Variants in CHST8 observed in about 807,000 individuals in gnomAD.
The protein encoded by CHST8 is carbohydrate sulfotransferase 8.
CHST8 carries 10 observed loss-of-function variants against 15.0 expected under a neutral mutation model. That is an observed-to-expected ratio of 0.67 (90% CI 0.41 to 1.13). CHST8 has a LOEUF of 1.13. Ranked by LOEUF, CHST8 falls within the 50% of genes most tolerant of loss-of-function variation. CHST8 has a pLI of 0.00. For synonymous variants in CHST8, 259 were observed against 256.6 expected, an observed-to-expected ratio of 1.01 and a Z score of -0.09; for missense variants, 634 against 608.2, an observed-to-expected ratio of 1.04 and a Z score of -0.45.
At chr19:33,769,812 G>A (rs569112690) in intron 3 of CHST8, among the ~76,000 whole-genome samples, 6 of 152,212 alleles carry the variant, frequency 3.9e-5, no homozygotes, top group South Asian at 2.1e-4. Context: ...CCACATGCAC[G>A]CATGTGCACA....
At position 33,689,228 on chromosome 19, in the gene CHST8, C is replaced by G; in HGVS notation, c.-34C>G. 1.3e-6 allele frequency: 2 copies of G among 1,514,906 alleles called. No homozygotes were observed. The highest frequency in any genetic ancestry group is 1.3e-5 in the South Asian group (1 of 75,220). 93.8% of individuals were successfully genotyped at this position (1,514,906 alleles called of 1,614,324 possible). A position where few individuals can be genotyped will look rare whatever the true frequency, so the allele number is the denominator to read the frequency against. On this transcript the variant is annotated 5_prime_UTR_variant, in exon 3 of 5. Coordinates refer to ENST00000650847, the MANE Select transcript of CHST8 (RefSeq NM_001127895.2). The stretch of plus-strand genomic sequence containing the variant: ...GACGATGAGGGAAGAACGTGCCCCC[C>G]ACACCCAAGAGGTGACCCCTGAGCC...
intron 3 of CHST8, among the ~76,000 whole-genome samples, chr19:33,697,248 G>C (rs1273574850): frequency 1.3e-5 from 2 of 151,658 alleles, no homozygotes; most frequent in African/African-American, 4.8e-5. Context: ...TTTATTTTTT[G>C]AGATAGAGTC....
chr19:33,766,569 G>A (rs1324870049), intron 3 of CHST8, among the ~76,000 whole-genome samples: 1 of 152,238 alleles, frequency 6.6e-6, no homozygotes, highest in African/African-American at 2.4e-5. Context: ...CATGGAAGCA[G>A]CAGGGCAGAG....
chr19:33,759,270 G>T (rs1974668517), intron 3 of CHST8, among the ~76,000 whole-genome samples: 1 of 152,208 alleles, frequency 6.6e-6, no homozygotes, highest in South Asian at 2.1e-4. Flanking sequence ...GCTTCTATTT[G>T]CTGGTAACCC....
intron 2 of CHST8, among the ~76,000 whole-genome samples, chr19:33,678,226 C>G (rs1191260063): frequency 1.3e-5 from 2 of 152,168 alleles, no homozygotes; most frequent in East Asian, 3.9e-4. Flanking sequence ...GAGGCAGAGA[C>G]TAATGGAGAA....
intron 3 of CHST8, among the ~76,000 whole-genome samples, chr19:33,707,956 G>A (rs1260717438): frequency 1.3e-5 from 2 of 152,124 alleles, no homozygotes; most frequent in Non-Finnish European, 2.9e-5. Flanking sequence ...TATTCTAGTG[G>A]GTGTGAAGTG....
chr19:33,643,758 A>G (rs1301404953), intron 1 of CHST8, among the ~76,000 whole-genome samples: 1 of 152,062 alleles, frequency 6.6e-6, no homozygotes, highest in Non-Finnish European at 1.5e-5. Flanking sequence ...CCCCTCTATT[A>G]TGATTCTTGT....
At chr19:33,751,973 T>G (rs992767012) in intron 3 of CHST8, among the ~76,000 whole-genome samples, 1 of 152,178 alleles carries the variant, frequency 6.6e-6, no homozygotes, top group Non-Finnish European at 1.5e-5. Flanking sequence ...TGTTTCCCCC[T>G]TCTGGGCAGC....
intron 3 of CHST8, among the ~76,000 whole-genome samples, chr19:33,735,970 G>A (rs527242686): frequency 6.6e-6 from 1 of 152,360 alleles, no homozygotes; most frequent in African/African-American, 2.4e-5. Flanking sequence ...ACCTGGCAAT[G>A]TCCTTACAAA....
At chr19:33,640,731 C>G (rs750408623) in intron 1 of CHST8, among the ~76,000 whole-genome samples, 5 of 152,200 alleles carry the variant, frequency 3.3e-5, no homozygotes, top group Non-Finnish European at 5.9e-5. Context: ...GCACTCTCCT[C>G]TTGCATCTCT....
rs1250091948 is a variant in CHST8, at chr19:33,772,388, C to T, written c.600C>T (p.Ala200=). ...TGCTCTACTGCGAGGTGCCCAAGGC[C>T]GGCTGCTCCAATTGGAAGCGGGTGC... ...HRVLYCEVPK[A]GCSNWKRVLM... The change falls in exon 5 of 5, where the codon GCC becomes GCT. Residue 200 remains alanine, a synonymous_variant. Coordinates refer to ENST00000650847, the MANE Select transcript of CHST8 (RefSeq NM_001127895.2). 1.9e-6 allele frequency: 3 copies of T among 1,609,238 alleles called. No homozygotes were observed. Among genetic ancestry groups the T allele is most frequent in the Non-Finnish European group, 8.5e-7 (1 of 1,179,500 alleles).
intron 1 of CHST8, among the ~76,000 whole-genome samples, chr19:33,661,297 G>C (rs1443156091): frequency 6.6e-6 from 1 of 152,160 alleles, no homozygotes; most frequent in South Asian, 2.1e-4. Context: ...ATTGGACTTG[G>C]CAACACCTGC....
intron 1 of CHST8, among the ~76,000 whole-genome samples, chr19:33,658,137 C>T (rs1431600526): frequency 1.3e-5 from 2 of 152,112 alleles, no homozygotes; most frequent in African/African-American, 2.4e-5. Flanking sequence ...GTCAGGAGTT[C>T]GAGACCAGCC....
chr19:33,689,390 A>T lies in CHST8; in HGVS notation c.129A>T (p.Pro43=). The T allele has an allele frequency of 6.3e-7, 1 of 1,589,914 alleles. No homozygotes were observed. Among genetic ancestry groups the T allele is most frequent in the Non-Finnish European group, 8.5e-7 (1 of 1,171,352 alleles). Residue 43 remains proline, a splice_region_variant and synonymous_variant, in exon 3 of 5, where the codon CCA becomes CCT. Coordinates refer to ENST00000650847, the MANE Select transcript of CHST8 (RefSeq NM_001127895.2). The part of the protein sequence containing the change: ...DPTELAPQQV[P]GIKFNIRPRQ... ...CGGAGCTCGCCCCCCAGCAGGTGCC[A>T]GGTGAGTCCTTGCGCTGAGTCCTGC...
At chr19:33,719,305 T>C (rs1419584877) in intron 3 of CHST8, among the ~76,000 whole-genome samples, 2 of 152,144 alleles carry the variant, frequency 1.3e-5, no homozygotes, top group Non-Finnish European at 2.9e-5. Flanking sequence ...TCTGGTGTCA[T>C]TGGTGACACC....
At chr19:33,703,550 G>A (rs1973385829) in intron 3 of CHST8, among the ~76,000 whole-genome samples, 1 of 152,190 alleles carries the variant, frequency 6.6e-6, no homozygotes, top group Non-Finnish European at 1.5e-5. Context: ...GGGCGGGCGC[G>A]GGCCCACACA....
At chr19:33,680,742 A>G (rs1465254830) in intron 2 of CHST8, among the ~76,000 whole-genome samples, 1 of 152,240 alleles carries the variant, frequency 6.6e-6, no homozygotes, top group African/African-American at 2.4e-5. Context: ...CAGTCCCTTA[A>G]CTTTAAAATG....
intron 3 of CHST8, among the ~76,000 whole-genome samples, chr19:33,718,551 G>A (rs1001628774): frequency 8.5e-5 from 13 of 152,222 alleles, no homozygotes; most frequent in African/African-American, 2.4e-5. Flanking sequence ...CCCACCCTCC[G>A]TCCCCTTCCC....
chr19:33,735,805 C>G (rs1430117218), intron 3 of CHST8, among the ~76,000 whole-genome samples: 1 of 152,222 alleles, frequency 6.6e-6, no homozygotes, highest in African/African-American at 2.4e-5. Flanking sequence ...GGGGACAGAG[C>G]GAGACTCCGT....
Sources: allele counts gnomAD v4.1 joint callset (sites outside exome capture counted in the v4.1 genomes callset), GRCh38; gene constraint gnomAD v4.1.1; transcripts MANE v1.5; gene names NCBI Gene and HGNC (gene_info 2026-07-23, HGNC 2026-07-21).